ITGA1: variants seen among roughly 807,000 people sequenced by gnomAD.
ITGA1 encodes integrin subunit alpha 1.
A neutral mutation model predicts 145.9 loss-of-function variants in ITGA1; 85 were observed. The observed-to-expected ratio is 0.58, with a 90% CI of 0.49 to 0.70. The LOEUF is 0.70. ITGA1 is among the 30% of genes least tolerant of loss of function. The pLI is 0.00. For missense variants in ITGA1, 1,351 were observed against 1,418.7 expected (o/e 0.95, Z 0.77); for synonymous variants, 520 against 495.3 (o/e 1.05, Z -0.66).
Position 52,918,713 on chromosome 5 carries a change from C to A in ITGA1, c.1989-19C>A. 6.3e-7 allele frequency: 1 copy of A among 1,593,762 alleles called. No homozygotes were observed. The highest frequency in any genetic ancestry group is 1.2e-5 in the South Asian group (1 of 86,774). On this transcript the variant is annotated intron_variant, in intron 15 of 28. Transcript: ENST00000282588. ...TAAATGTAAAAATGTGTGAGTAATC[C>A]CATTGTTTTTGTTTGTAGGTCCCGA... is the stretch of plus-strand genomic sequence containing the variant.
intron 1 of ITGA1, among the ~76,000 whole-genome samples, chr5:52,798,168 G>A (rs1748381976): frequency 6.6e-6 from 1 of 152,190 alleles, no homozygotes; most frequent in Non-Finnish European, 1.5e-5. Context: ...AGTGTGATTA[G>A]TTCTTTGCTT....
chr5:52,827,661 C>A (rs1748990905), intron 1 of ITGA1, among the ~76,000 whole-genome samples: 1 of 152,094 alleles, frequency 6.6e-6, no homozygotes, highest in African/African-American at 2.4e-5. Context: ...TGAGAAATTG[C>A]CAGAGCCACT....
intron 1 of ITGA1, among the ~76,000 whole-genome samples, chr5:52,827,745 G>C (rs527433137): frequency 6.6e-6 from 1 of 152,276 alleles, no homozygotes; most frequent in Non-Finnish European, 1.5e-5. Flanking sequence ...CCTGCAAAAA[G>C]ATTATGACTC....
chr5:52,845,885 G>A (rs1166016221), intron 1 of ITGA1, among the ~76,000 whole-genome samples: 1 of 152,184 alleles, frequency 6.6e-6, no homozygotes, highest in Non-Finnish European at 1.5e-5. Flanking sequence ...AAACCTGTGA[G>A]AGCAAAGAAT....
intron 8 of ITGA1, among the ~76,000 whole-genome samples, chr5:52,890,906 A>G (rs1750136481): frequency 6.6e-6 from 1 of 152,108 alleles, no homozygotes; most frequent in Non-Finnish European, 1.5e-5. Flanking sequence ...GCCTTTGATA[A>G]CCACCATTCT....
At chr5:52,817,135 G>A (rs1748788984) in intron 1 of ITGA1, among the ~76,000 whole-genome samples, 2 of 152,162 alleles carry the variant, frequency 1.3e-5, no homozygotes, top group South Asian at 4.1e-4. Context: ...TAAACATTTA[G>A]TCTGGCTTAA....
chr5:52,954,843 G>C lies in ITGA1; in HGVS notation c.*2392G>C, dbSNP rs1231677960. 1.3e-5 allele frequency: 2 copies of C among 151,938 alleles called. No individual in the cohort carries two copies. The highest frequency in any genetic ancestry group is 2.9e-5 in the Non-Finnish European group (2 of 67,990). 9.4% of individuals were successfully genotyped at this position (151,938 alleles called of 1,614,324 possible). A position where few individuals can be genotyped will look rare whatever the true frequency, so the allele number is the denominator to read the frequency against. ...TGCAATTATTTAAAAAACAAGTACA[G>C]AGCGTTTGATTAAAAAAAGTCAACA... On this transcript the variant is annotated 3_prime_UTR_variant, in exon 29 of 29. Coordinates refer to ENST00000282588, the MANE Select transcript of ITGA1 (RefSeq NM_181501.2).
intron 8 of ITGA1, among the ~76,000 whole-genome samples, chr5:52,888,327 G>A (rs554469441): frequency 5.9e-5 from 9 of 152,170 alleles, no homozygotes; most frequent in African/African-American, 1.9e-4. Context: ...GGAAGAGGGT[G>A]GGAAGGCGGG....
intron 1 of ITGA1, chr5:52,800,138 T>G (rs1390316644): frequency 1.4e-5 from 7 of 507,580 alleles, no homozygotes; most frequent in Middle Eastern, 5.3e-4. Context: ...GGGAACTGTG[T>G]AGGGGTAGAT....
Position 52,957,025 on chromosome 5 carries a change from C to G in ITGA1, c.*4574C>G, listed in dbSNP as rs1022978842. ...AGTGGAAGCACTGTTGAACAACACTCTTAGGTGGAATAAGAAAATTAGGGT... is the reference window on the plus strand; with the variant it reads ...AGTGGAAGCACTGTTGAACAACACTGTTAGGTGGAATAAGAAAATTAGGGT... On this transcript the variant is annotated 3_prime_UTR_variant, in exon 29 of 29. Coordinates refer to ENST00000282588, the MANE Select transcript of ITGA1 (RefSeq NM_181501.2). The G allele has an allele frequency of 1.3e-5, 2 of 152,132 alleles. No individual in the cohort carries two copies. The highest frequency in any genetic ancestry group is 4.8e-5 in the African/African-American group (2 of 41,412). The allele number at this position is 152,132 out of a possible 1,614,324, so 9.4% of individuals were successfully genotyped here.
At chr5:52,912,455 AGG>A (rs1277273586) in intron 14 of ITGA1, among the ~76,000 whole-genome samples, 1 of 144,516 alleles carries the variant, frequency 6.9e-6, no homozygotes. Context: ...TATCCACTAT[AGG>A]TATTATATAT....
chr5:52,844,698 C>G (rs373559221), intron 1 of ITGA1, among the ~76,000 whole-genome samples: 1 of 152,192 alleles, frequency 6.6e-6, no homozygotes, highest in East Asian at 1.9e-4. Context: ...ATCAGAATTT[C>G]TTTTGACATC....
chr5:52,844,087 A>G, intron 1 of ITGA1, among the ~76,000 whole-genome samples: 1 of 152,146 alleles, frequency 6.6e-6, no homozygotes, highest in East Asian at 1.9e-4. Flanking sequence ...TCTTTTTATA[A>G]GAGATATCCT....
At chr5:52,847,512 T>C (rs1029556827) in intron 1 of ITGA1, among the ~76,000 whole-genome samples, 2 of 152,098 alleles carry the variant, frequency 1.3e-5, no homozygotes, top group African/African-American at 4.8e-5. Context: ...TGAGGCTCTG[T>C]AATTTTATAA....
chr5:52,872,387 A>T (rs889866946), intron 6 of ITGA1, among the ~76,000 whole-genome samples: 2 of 151,938 alleles, frequency 1.3e-5, no homozygotes, highest in Non-Finnish European at 2.9e-5. Flanking sequence ...TCCAGCCATC[A>T]GGCACTAGAA....
At chr5:52,900,848 A>G (rs1283985982) in intron 11 of ITGA1, among the ~76,000 whole-genome samples, 7 of 152,212 alleles carry the variant, frequency 4.6e-5, no homozygotes, top group African/African-American at 1.7e-4. Flanking sequence ...ACTGTGCCTG[A>G]CACACAGTTA....
At chr5:52,835,528 C>T (rs1359357802) in intron 1 of ITGA1, among the ~76,000 whole-genome samples, 1 of 151,988 alleles carries the variant, frequency 6.6e-6, no homozygotes, top group African/African-American at 2.4e-5. Flanking sequence ...GAAGGGTGGC[C>T]ATTACTTGAC....
At chr5:52,889,196 G>T (rs913643331) in intron 8 of ITGA1, among the ~76,000 whole-genome samples, 4 of 151,988 alleles carry the variant, frequency 2.6e-5, no homozygotes, top group African/African-American at 9.7e-5. Flanking sequence ...CAACCTCCCA[G>T]GATCAAGCAA....
intron 1 of ITGA1, among the ~76,000 whole-genome samples, chr5:52,804,339 A>G (rs992387739): frequency 6.6e-6 from 1 of 152,232 alleles, no homozygotes; most frequent in Non-Finnish European, 1.5e-5. Context: ...ATAAGTGAGA[A>G]GCTTGCACAT....
Sources: allele counts gnomAD v4.1 joint callset (sites outside exome capture counted in the v4.1 genomes callset), GRCh38; gene constraint gnomAD v4.1.1; transcripts MANE v1.5; gene names NCBI Gene and HGNC (gene_info 2026-07-23, HGNC 2026-07-21).